The following BLTP1 variants were observed in gnomAD, a reference collection of about 807,000 sequenced individuals.
BLTP1 encodes the protein fragile site-associated protein.
At chr4:122,335,338 C>T in the BLTP1 span, among the ~76,000 whole-genome samples, 2 of 152,004 alleles carry the variant, frequency 1.3e-5, no homozygotes, top group East Asian at 1.9e-4. Context: ...CGGAAGTAAA[C>T]TACACAAGGG....
chr4:122,202,510 T>C, the BLTP1 span: 1 of 890,852 alleles, frequency 1.1e-6, no homozygotes, highest in Non-Finnish European at 1.3e-6. Context: ...CTAACTCAAG[T>C]AGTCTGGCTC....
chr4:122,184,884 T>C, the BLTP1 span: 2 of 984,678 alleles, frequency 2.0e-6, no homozygotes, highest in African/African-American at 3.5e-5. Flanking sequence ...GGAATACTTT[T>C]TCCAGACATG....
At chr4:122,196,536 G>T in the BLTP1 span, 1 of 914,234 alleles carries the variant, frequency 1.1e-6, no homozygotes. Context: ...AAATGTGATA[G>T]CAATGATAAT....
chr4:122,185,511 G>C, the BLTP1 span: 1 of 778,672 alleles, frequency 1.3e-6, no homozygotes, highest in Admixed American at 6.3e-5. Context: ...TCTACTTAAT[G>C]TAATTATGTC....
the BLTP1 span, chr4:122,249,524 A>T: frequency 1.2e-6 from 2 of 1,613,628 alleles, no homozygotes; most frequent in Non-Finnish European, 1.7e-6. Context: ...CCTTTTGAGA[A>T]GTCCAAAGTT....
chr4:122,291,689 C>A, the BLTP1 span: 1 of 966,254 alleles, frequency 1.0e-6, no homozygotes, highest in East Asian at 1.1e-4. Flanking sequence ...TAATGTACAG[C>A]CATCTTAGAA....
the BLTP1 span, among the ~76,000 whole-genome samples, chr4:122,183,937 A>G: frequency 6.6e-6 from 1 of 152,052 alleles, no homozygotes; most frequent in Non-Finnish European, 1.5e-5. Flanking sequence ...TTTTTTTCAA[A>G]ATCATAAACC....
chr4:122,243,052 T>G, the BLTP1 span: 1 of 1,612,570 alleles, frequency 6.2e-7, no homozygotes, highest in Non-Finnish European at 8.5e-7. Flanking sequence ...CATGCAACTT[T>G]CAGGATCAAC....
the BLTP1 span, chr4:122,270,973 A>G: frequency 1.3e-6 from 2 of 1,511,630 alleles, no homozygotes; most frequent in Non-Finnish European, 1.8e-6. Context: ...TGTTTCTGGA[A>G]AAATGGAAGA....
At chr4:122,174,529 G>A in the BLTP1 span, 1 of 1,597,964 alleles carries the variant, frequency 6.3e-7, no homozygotes, top group East Asian at 2.2e-5. Context: ...CCTACTGTCT[G>A]TTAAAACAGT....
At chr4:122,284,407 A>G in the BLTP1 span, among the ~76,000 whole-genome samples, 2 of 152,162 alleles carry the variant, frequency 1.3e-5, no homozygotes, top group East Asian at 1.9e-4. Context: ...AAGAAAATGT[A>G]CTTATTTTCC....
the BLTP1 span, chr4:122,298,589 C>T: frequency 2.3e-6 from 2 of 871,178 alleles, no homozygotes; most frequent in Non-Finnish European, 1.4e-6. Context: ...ACATATGACC[C>T]CAAACTAGGT....
chr4:122,181,851 T>C, the BLTP1 span, among the ~76,000 whole-genome samples: 13 of 152,270 alleles, frequency 8.5e-5, no homozygotes, highest in African/African-American at 2.9e-4. Flanking sequence ...AAAAACTTAA[T>C]TGACTCTTCA....
At chr4:122,348,609 A>C in the BLTP1 span, 1 of 1,609,600 alleles carries the variant, frequency 6.2e-7, no homozygotes, top group African/African-American at 1.3e-5. Context: ...AAATCAAACA[A>C]AGCAGCAAGC....
chr4:122,235,310 C>T, the BLTP1 span: 3 of 972,988 alleles, frequency 3.1e-6, no homozygotes, highest in Non-Finnish European at 2.4e-6. Context: ...CTGTTATTTT[C>T]CTGTAGCACA....
At chr4:122,347,899 CAAAAAAA>C in the BLTP1 span, 1 of 401,874 alleles carries the variant, frequency 2.5e-6, no homozygotes, top group South Asian at 7.5e-5. Context: ...TATGACACGT[CAAAAAAA>C]AAAAAAAAAA....
the BLTP1 span, chr4:122,201,135 C>T: frequency 6.3e-7 from 1 of 1,598,952 alleles, no homozygotes; most frequent in Non-Finnish European, 8.5e-7. Flanking sequence ...AGGTAATTTT[C>T]TAATAGATAT....
At chr4:122,262,785 C>CTGA in the BLTP1 span, 1 of 1,604,884 alleles carries the variant, frequency 6.2e-7, no homozygotes, top group Non-Finnish European at 8.5e-7. Context: ...ATATCATTCT[C>CTGA]TGAGCTATAC....
the BLTP1 span, chr4:122,269,558 C>T: frequency 1.0e-6 from 1 of 985,162 alleles, no homozygotes; most frequent in African/African-American, 1.7e-5. Context: ...ATCTTAAGCT[C>T]TTATTTATTT....
Sources: gnomAD v4.1 joint callset for allele counts (sites outside exome capture counted in the v4.1 genomes callset) on GRCh38, gnomAD v4.1.1 for gene constraint, MANE v1.5 for transcripts, NCBI Gene and HGNC (gene_info 2026-07-23, HGNC 2026-07-21) for gene names.